The following MTNR1B variants were observed in gnomAD, a reference collection of about 807,000 sequenced individuals.
The protein encoded by MTNR1B is melatonin receptor 1B.
In MTNR1B, 7 loss-of-function variants were observed where a neutral mutation model predicts 7.0. The ratio of observed to expected loss-of-function variants is 1.00; its 90% CI spans 0.57 to 1.88. The LOEUF is 1.88. Among genes scored for constraint, MTNR1B ranks in the 40% most tolerant of loss-of-function variants. The pLI is 0.00. For synonymous variants in MTNR1B, 226 were observed against 208.2 expected (o/e 1.09, Z -0.74); for missense variants, 478 against 486.5 (o/e 0.98, Z 0.16).
At position 92,969,651 on chromosome 11, in the gene MTNR1B, C is replaced by T; in HGVS notation, c.-75C>T. 3 of 1,310,520 alleles carry T rather than the reference C, an allele frequency of 2.3e-6. No individual in the cohort carries two copies. The highest frequency in any genetic ancestry group is 2.9e-6 in the Non-Finnish European group (3 of 1,029,000). 81.2% of individuals were successfully genotyped at this position (1,310,520 alleles called of 1,614,324 possible). On this transcript the variant is annotated 5_prime_UTR_variant, in exon 1 of 2. Transcript: ENST00000257068. ...CGAGCTGGGCAGGGAAGAGAGCGCC[C>T]GGCTCAGTACTGCGCGCGCCCTGCG...
intron 1 of MTNR1B, among the ~76,000 whole-genome samples, chr11:92,970,840 G>A (rs112715469): frequency 1.2e-4 from 19 of 152,308 alleles, no homozygotes; most frequent in Middle Eastern, 3.4e-3. Context: ...AAATATTAGA[G>A]TGAATTAAAA....
chr11:92,980,495 A>T (rs1425714172), intron 1 of MTNR1B, among the ~76,000 whole-genome samples: 1 of 152,166 alleles, frequency 6.6e-6, no homozygotes, highest in Non-Finnish European at 1.5e-5. Flanking sequence ...TGAGGAGCAG[A>T]GATTGTGTTC....
Position 92,973,679 on chromosome 11 carries a change from G to A in MTNR1B, c.223+3731G>A, listed in dbSNP as rs555796972. On this transcript the variant is annotated intron_variant, in intron 1 of 1. Coordinates refer to ENST00000257068, the MANE Select transcript of MTNR1B (RefSeq NM_005959.5). ...GGGATAGTAAGTGTCTCCCTTGTTG[G>A]GCTTCTAAGATACCTGTGCCCTCCC... Among the ~76,000 whole-genome samples, 10 of 152,162 alleles carry A rather than the reference G, an allele frequency of 6.6e-5. No homozygotes were observed. The South Asian group carries it at 1.5e-3, about 22-fold the overall frequency.
chr11:92,981,676 C>T lies in MTNR1B; in HGVS notation c.453C>T (p.Ile151=). The T allele has an allele frequency of 6.2e-7, 1 of 1,614,252 alleles. No homozygotes were observed. Among genetic ancestry groups the T allele is most frequent in the Non-Finnish European group, 8.5e-7 (1 of 1,180,046 alleles). The change falls in exon 2 of 2, where the codon ATC becomes ATT. Residue 151 remains isoleucine (I), a synonymous_variant. Transcript: ENST00000257068. The stretch of plus-strand genomic sequence containing the variant: ...GCCACAGCATGGCCTACCACCGAAT[C>T]TACCGGCGCTGGCACACCCCTCTGC... ...YICHSMAYHR[I]YRRWHTPLHI...
chr11:92,982,032 T>C lies in MTNR1B; in HGVS notation c.809T>C (p.Ile270Thr), dbSNP rs1235791870. 6.2e-7 allele frequency: 1 copy of C among 1,614,208 alleles called. No homozygotes were observed. The highest frequency in any genetic ancestry group is 1.1e-5 in the South Asian group (1 of 91,088). ...ATCTGCTGGGCTCCACTTAACTGCA[T>C]CGGCCTCGCTGTGGCCATCAACCCC... ...FAICWAPLNC[I>T]GLAVAINPQE... is the part of the protein sequence containing the mutation. The change falls in exon 2 of 2, where the codon ATC becomes ACC. Residue 270 changes from isoleucine (I) to threonine (T), a missense_variant. Transcript: ENST00000257068.
At chr11:92,980,850 C>T (rs12281702) in intron 1 of MTNR1B, among the ~76,000 whole-genome samples, 18 of 152,180 alleles carry the variant, frequency 1.2e-4, no homozygotes, top group African/African-American at 3.9e-4. Context: ...ATACCAGAAA[C>T]ACATGGTTCC....
At position 92,982,326 on chromosome 11, in the gene MTNR1B, C is replaced by A; in HGVS notation, c.*14C>A. 6.2e-7 allele frequency: 1 copy of A among 1,601,030 alleles called. No individual in the cohort carries two copies. Among genetic ancestry groups the A allele is most frequent in the Non-Finnish European group, 8.5e-7 (1 of 1,174,976 alleles). ...GATGCTCTCTAGCCTGGATCTGAGG[C>A]ACACCAGCAGCATGACAAACTCATG... On this transcript the variant is annotated 3_prime_UTR_variant, in exon 2 of 2. Coordinates refer to ENST00000257068, the MANE Select transcript of MTNR1B (RefSeq NM_005959.5).
rs1177579394 is a variant in MTNR1B at position 92,981,678 on chromosome 11, A to G, written c.455A>G (p.Tyr152Cys). 9 of 1,614,120 alleles carry G rather than the reference A, an allele frequency of 5.6e-6. No homozygotes were observed. Among genetic ancestry groups the G allele is most frequent in the Non-Finnish European group, 7.6e-6 (9 of 1,180,020 alleles). Residue 152 changes from tyrosine to cysteine, a missense_variant, in exon 2 of 2, where the codon TAC (tyrosine) becomes TGC (cysteine). Coordinates refer to ENST00000257068, the MANE Select transcript of MTNR1B (RefSeq NM_005959.5). ...ICHSMAYHRI[Y>C]RRWHTPLHIC... ...CACAGCATGGCCTACCACCGAATCT[A>G]CCGGCGCTGGCACACCCCTCTGCAC...
At chr11:92,971,520 C>T (rs1857922639) in intron 1 of MTNR1B, among the ~76,000 whole-genome samples, 1 of 152,172 alleles carries the variant, frequency 6.6e-6, no homozygotes, top group Non-Finnish European at 1.5e-5. Context: ...CCATCATAAA[C>T]ATTCATTTCC....
At position 92,981,463 on chromosome 11, in the gene MTNR1B, G is replaced by A. The variant is rs1858100490; in HGVS notation, c.240G>A (p.Val80=). 6.2e-7 allele frequency: 1 copy of A among 1,612,822 alleles called. No homozygotes were observed. Among genetic ancestry groups the A allele is most frequent in the Non-Finnish European group, 8.5e-7 (1 of 1,179,104 alleles). The change falls in exon 2 of 2, where the codon GTG becomes GTA. Residue 80 remains valine (V), a synonymous_variant. Transcript: ENST00000257068. ...KLRNAGNLFL[V]SLALADLVVA... is the part of the protein sequence containing the mutation. ...CTGCTTCAGGTAATTTGTTCTTGGT[G>A]AGTCTGGCATTGGCTGACCTGGTGG...
chr11:92,982,236 A>G lies in MTNR1B; in HGVS notation c.1013A>G (p.Lys338Arg), dbSNP rs1169742695. 3.1e-6 allele frequency: 5 copies of G among 1,614,076 alleles called. No individual in the cohort carries two copies. The highest frequency in any genetic ancestry group is 4.2e-6 in the Non-Finnish European group (5 of 1,180,028). ...CGGCACTGCATTCAAGATGCTTCCA[A>G]GGGCAGCCACGCGGAGGGGCTGCAG... ...NPRHCIQDAS[K>R]GSHAEGLQSP... Residue 338 changes from lysine (K) to arginine (R), a missense_variant, in exon 2 of 2, where the codon AAG becomes AGG. Physicochemically the swap from Lys to Arg is conservative, Grantham distance 26. Transcript: ENST00000257068.
In MTNR1B at chr11:92,982,142, G is replaced by A; in HGVS notation, c.919G>A (p.Val307Ile). ...TTTCAACAGCTGCCTGAATGCCATT[G>A]TCTATGGGCTCTTGAACCAAAACTT... ...AYFNSCLNAI[V>I]YGLLNQNFRR... Residue 307 changes from valine to isoleucine, a missense_variant, in exon 2 of 2, where the codon GTC becomes ATC. By Grantham distance (29) the Val-to-Ile change is conservative. Coordinates refer to ENST00000257068, the MANE Select transcript of MTNR1B (RefSeq NM_005959.5). The A allele has an allele frequency of 1.2e-6, 2 of 1,614,196 alleles. No individual in the cohort carries two copies. The highest frequency in any genetic ancestry group is 1.7e-6 in the Non-Finnish European group (2 of 1,180,038).
chr11:92,971,739 G>A (rs537807787), intron 1 of MTNR1B, among the ~76,000 whole-genome samples: 1 of 152,264 alleles, frequency 6.6e-6, no homozygotes, highest in South Asian at 2.1e-4. Context: ...GCTGGAAGGA[G>A]AAAAGCACCC....
downstream of MTNR1B, among the ~76,000 whole-genome samples, chr11:92,984,120 G>A (rs1858162151): frequency 1.3e-5 from 2 of 152,106 alleles, no homozygotes; most frequent in South Asian, 2.1e-4. Flanking sequence ...CAGCCACCCA[G>A]CGGCTTTCCT....
chr11:92,974,594 C>T (rs1280087505), intron 1 of MTNR1B, among the ~76,000 whole-genome samples: 1 of 151,792 alleles, frequency 6.6e-6, no homozygotes, highest in Non-Finnish European at 1.5e-5. Context: ...GCATGAGCCA[C>T]CACACCTGGC....
At chr11:92,971,061 G>C (rs1451373767) in intron 1 of MTNR1B, among the ~76,000 whole-genome samples, 2 of 152,070 alleles carry the variant, frequency 1.3e-5, no homozygotes, top group Admixed American at 1.3e-4. Context: ...CCAGGTTCAA[G>C]GGATTCTCTT....
chr11:92,973,108 G>T (rs1002455450), intron 1 of MTNR1B, among the ~76,000 whole-genome samples: 4 of 152,030 alleles, frequency 2.6e-5, no homozygotes, highest in African/African-American at 7.2e-5. Flanking sequence ...TCATTCCCTC[G>T]GCTAACCTGG....
intron 1 of MTNR1B, among the ~76,000 whole-genome samples, chr11:92,976,345 G>A (rs1858008651): frequency 3.9e-5 from 6 of 152,238 alleles, no homozygotes; most frequent in Middle Eastern, 3.4e-3. Context: ...TCATCTTCAT[G>A]TCCTTACTAC....
At chr11:92,977,336 C>T (rs755294039) in intron 1 of MTNR1B, among the ~76,000 whole-genome samples, 1 of 152,130 alleles carries the variant, frequency 6.6e-6, no homozygotes, top group Non-Finnish European at 1.5e-5. Context: ...TACAAGCTTA[C>T]AATAAATGCA....
Sources: allele counts gnomAD v4.1 joint callset (sites outside exome capture counted in the v4.1 genomes callset), GRCh38; gene constraint gnomAD v4.1.1; transcripts MANE v1.5; gene names NCBI Gene and HGNC (gene_info 2026-07-23, HGNC 2026-07-21).